Variants in VAV3 observed in about 807,000 individuals in gnomAD.
VAV3 encodes vav guanine nucleotide exchange factor 3.
Under a neutral mutation model 131.2 loss-of-function variants are expected in VAV3, and 94 were observed. The ratio of observed to expected loss-of-function variants is 0.72; its 90% CI spans 0.61 to 0.85. The LOEUF is 0.85. Ranked by LOEUF, VAV3 falls within the 40% of genes least tolerant of loss-of-function variation. The pLI is 0.00. For synonymous variants in VAV3, 349 were observed against 342.0 expected (o/e 1.02, Z -0.22); for missense variants, 939 against 1,002.7 (o/e 0.94, Z 0.86).
chr1:107,913,985 G>C (rs1302407612), intron 1 of VAV3, among the ~76,000 whole-genome samples: 1 of 152,088 alleles, frequency 6.6e-6, no homozygotes, highest in Non-Finnish European at 1.5e-5. Flanking sequence ...AGTAGAGACG[G>C]GGTTTCACCA....
chr1:107,810,524 C>T (rs942823731), intron 2 of VAV3, among the ~76,000 whole-genome samples: 3 of 152,100 alleles, frequency 2.0e-5, no homozygotes, highest in African/African-American at 7.2e-5. Context: ...GGAAGTTTTA[C>T]TATTTCACAA....
intron 1 of VAV3, among the ~76,000 whole-genome samples, chr1:107,938,929 G>A (rs942053010): frequency 1.3e-5 from 2 of 152,168 alleles, no homozygotes; most frequent in Non-Finnish European, 2.9e-5. Context: ...AATCTCAGGT[G>A]GCCAGCTGTT....
At chr1:107,816,205 T>C (rs1667553575) in intron 2 of VAV3, among the ~76,000 whole-genome samples, 1 of 152,198 alleles carries the variant, frequency 6.6e-6, no homozygotes, top group African/African-American at 2.4e-5. Context: ...CAAAAGATCA[T>C]GAGCTTTAAA....
chr1:107,916,946 T>C (rs1672650702), intron 1 of VAV3, among the ~76,000 whole-genome samples: 1 of 151,898 alleles, frequency 6.6e-6, no homozygotes, highest in Non-Finnish European at 1.5e-5. Context: ...CAAGACAAGT[T>C]GAGGGGATGT....
chr1:107,704,265 G>A (rs1660313607), intron 17 of VAV3, among the ~76,000 whole-genome samples: 1 of 151,892 alleles, frequency 6.6e-6, no homozygotes, highest in Admixed American at 6.6e-5. Flanking sequence ...CATTTATTTA[G>A]GGCTTTTAAA....
At position 107,890,563 on chromosome 1, in the gene VAV3, A is replaced by G. The variant is rs185343296; in HGVS notation, c.205-15546T>C. 2.6e-5 allele frequency among the ~76,000 whole-genome samples: 4 copies of G among 152,314 alleles called. No homozygotes were observed. The East Asian group carries it at 7.7e-4, about 29-fold the overall frequency. On this transcript the variant is annotated intron_variant, in intron 1 of 26. Transcript: ENST00000370056. Reference sequence around the variant, plus strand: ...CTGTCTGGGGCTCAATAGTGAATTAACAGTGTTTCACTTCCAGTGGGAAGA... The same window carrying G: ...CTGTCTGGGGCTCAATAGTGAATTAGCAGTGTTTCACTTCCAGTGGGAAGA...
Position 107,610,808 on chromosome 1 carries a change from C to T in VAV3, c.1981-843G>A, listed in dbSNP as rs532506719. Among the ~76,000 whole-genome samples the T allele has an allele frequency of 1.0e-3, 155 of 152,186 alleles. 1 individual carries two copies. The highest frequency in any genetic ancestry group is 3.6e-3 in the African/African-American group (148 of 41,540). On this transcript the variant is annotated intron_variant, in intron 21 of 26. Transcript: ENST00000370056. ...GAGAGGGTTACTTTAAAAATTCCTA[C>T]GAATAGGAGTACAGATAGTTTGTCT...
chr1:107,887,692 G>C (rs1671104012), intron 1 of VAV3, among the ~76,000 whole-genome samples: 1 of 152,124 alleles, frequency 6.6e-6, no homozygotes, highest in African/African-American at 2.4e-5. Flanking sequence ...CAGAAAGCCA[G>C]GGTGTATAAG....
chr1:107,753,549 T>TATATGTATATATATATACACACAC (rs771773884), intron 12 of VAV3, among the ~76,000 whole-genome samples: 2 of 82,062 alleles, frequency 2.4e-5, no homozygotes, highest in African/African-American at 4.6e-5. Flanking sequence ...TATATATATA[T>TATATGTATATATATATACACACAC]ACACACACAC....
intron 17 of VAV3, among the ~76,000 whole-genome samples, chr1:107,703,792 A>T (rs966071946): frequency 1.3e-5 from 2 of 152,166 alleles, no homozygotes; most frequent in Non-Finnish European, 2.9e-5. Context: ...AGTTTTACTG[A>T]TTTTGAAAGG....
chr1:107,856,951 G>T (rs917124318), intron 2 of VAV3, among the ~76,000 whole-genome samples: 2 of 152,096 alleles, frequency 1.3e-5, no homozygotes, highest in African/African-American at 4.8e-5. Context: ...AGGCAGGAGG[G>T]TCGCTTGAGC....
Position 107,855,467 on chromosome 1 carries a change from G to A in VAV3, c.321+19434C>T, listed in dbSNP as rs561671502. On this transcript the variant is annotated intron_variant, in intron 2 of 26. Coordinates refer to ENST00000370056, the MANE Select transcript of VAV3 (RefSeq NM_006113.5). ...AATTTTTGTATTTTTTTGTAGAGAT[G>A]TGGTTTTGCCATGTTGCCCAGGCTG... Among the ~76,000 whole-genome samples, 5 of 152,162 alleles carry A rather than the reference G, an allele frequency of 3.3e-5. No homozygotes were observed. The South Asian group carries it at 6.2e-4, about 19-fold the overall frequency.
chr1:107,848,312 C>CAAAA (rs34249858), intron 2 of VAV3, among the ~76,000 whole-genome samples: 3 of 92,180 alleles, frequency 3.3e-5, no homozygotes, highest in South Asian at 4.2e-4. Context: ...GACTCCGTCT[C>CAAAA]AAAAAAAAAA....
At chr1:107,674,440 A>G (rs1007750853) in intron 19 of VAV3, among the ~76,000 whole-genome samples, 1 of 152,230 alleles carries the variant, frequency 6.6e-6, no homozygotes, top group Non-Finnish European at 1.5e-5. Context: ...AAAATCACCC[A>G]TAAATCTGCT....
intron 9 of VAV3, among the ~76,000 whole-genome samples, chr1:107,761,697 A>G (rs1010465208): frequency 6.6e-6 from 1 of 152,112 alleles, no homozygotes; most frequent in Admixed American, 6.5e-5. Context: ...TACAATCACA[A>G]TTGGGTGTAC....
At chr1:107,664,578 A>C (rs561600176) in intron 19 of VAV3, among the ~76,000 whole-genome samples, 13 of 152,322 alleles carry the variant, frequency 8.5e-5, no homozygotes, top group African/African-American at 3.1e-4. Context: ...CTTCCAATTC[A>C]GTTCAATATA....
chr1:107,952,740 A>C (rs1674618056), intron 1 of VAV3, among the ~76,000 whole-genome samples: 1 of 152,072 alleles, frequency 6.6e-6, no homozygotes, highest in Admixed American at 6.6e-5. Context: ...ATAGACTAAA[A>C]GCAACACAGG....
intron 20 of VAV3, among the ~76,000 whole-genome samples, chr1:107,642,184 TGA>T: frequency 6.6e-6 from 1 of 152,138 alleles, no homozygotes; most frequent in African/African-American, 2.4e-5. Context: ...AGTCACAGTA[TGA>T]GATAGGAGGT....
At chr1:107,946,510 A>T (rs1157885173) in intron 1 of VAV3, among the ~76,000 whole-genome samples, 1 of 152,214 alleles carries the variant, frequency 6.6e-6, no homozygotes, top group Non-Finnish European at 1.5e-5. Flanking sequence ...TGTTAACAGG[A>T]GCTACAAAAA....
Sources: allele counts gnomAD v4.1 joint callset (sites outside exome capture counted in the v4.1 genomes callset), GRCh38; gene constraint gnomAD v4.1.1; transcripts MANE v1.5; gene names NCBI Gene and HGNC (gene_info 2026-07-23, HGNC 2026-07-21).